Variants in HECW1 observed in about 807,000 individuals in gnomAD.
HECW1 encodes HECT, C2 and WW domain containing E3 ubiquitin protein ligase 1.
In HECW1, 61 loss-of-function variants were observed where a neutral mutation model predicts 182.3. The ratio of observed to expected loss-of-function variants is 0.33; its 90% CI spans 0.27 to 0.41. The LOEUF (loss-of-function observed/expected upper bound fraction) is 0.41, where lower values mean the gene tolerates loss of function less well. Ranked by LOEUF, HECW1 falls within the 10% of genes least tolerant of loss-of-function variation. HECW1 has a pLI of 1.00. For synonymous variants in HECW1, 859 were observed against 832.6 expected (o/e 1.03, Z -0.55); for missense variants, 1,739 against 2,108.9 (o/e 0.82, Z 3.44).
intron 2 of HECW1, among the ~76,000 whole-genome samples, chr7:43,215,730 G>T (rs1288152508): frequency 2.0e-5 from 3 of 152,094 alleles, no homozygotes; most frequent in Non-Finnish European, 4.4e-5. Flanking sequence ...TTCTTTGATT[G>T]TAAAGATCTT....
chr7:43,152,330 C>T (rs1280964994), intron 2 of HECW1, among the ~76,000 whole-genome samples: 1 of 152,050 alleles, frequency 6.6e-6, no homozygotes, highest in African/African-American at 2.4e-5. Flanking sequence ...ACAGGTAAGC[C>T]AAAATGTATT....
At chr7:43,276,547 T>C (rs1275819557) in intron 3 of HECW1, among the ~76,000 whole-genome samples, 1 of 152,242 alleles carries the variant, frequency 6.6e-6, no homozygotes, top group Non-Finnish European at 1.5e-5. Context: ...GTTCTTTTCC[T>C]GTGTCATGTG....
chr7:43,407,149 C>A (rs1359524434), intron 7 of HECW1, among the ~76,000 whole-genome samples: 1 of 152,174 alleles, frequency 6.6e-6, no homozygotes, highest in East Asian at 1.9e-4. Flanking sequence ...TCCTCATTGA[C>A]TGCACTCAGC....
chr7:43,481,365 A>T (rs545914602), intron 17 of HECW1, among the ~76,000 whole-genome samples: 29 of 152,378 alleles, frequency 1.9e-4, no homozygotes, highest in African/African-American at 5.3e-4. Flanking sequence ...CAATTTCAGT[A>T]TCCACATAGG....
chr7:43,518,508 C>T lies in HECW1; in HGVS notation c.4019+9387C>T, dbSNP rs118150915. 7.5e-3 allele frequency among the ~76,000 whole-genome samples: 1,119 copies of T among 149,766 alleles called. 8 individuals carry two copies. The highest frequency in any genetic ancestry group is 0.012 in the Non-Finnish European group (779 of 67,442). On this transcript the variant is annotated intron_variant, in intron 24 of 29. Transcript: ENST00000395891. ...GAGACACCATCTCAAAAAAAAAAAA[C>T]GTATTTGAATATATAAAAGTTAAAA...
chr7:43,453,926 C>A (rs73329807), intron 12 of HECW1, among the ~76,000 whole-genome samples: 240 of 152,202 alleles, frequency 1.6e-3, no homozygotes, highest in African/African-American at 5.3e-3. Flanking sequence ...ACAAAGCAAC[C>A]CAGAAAACAT....
rs553746543 is a variant in HECW1, at chr7:43,508,558, T to G, written c.3867-411T>G. 3.9e-5 allele frequency among the ~76,000 whole-genome samples: 6 copies of G among 152,176 alleles called. No individual in the cohort carries two copies. The East Asian group carries it at 1.2e-3, about 29-fold the overall frequency. ...GTAGGAAGGCGTATCAAAATGAACT[T>G]GGAAGCCTTTTCAGTCCACCCACAT... On this transcript the variant is annotated intron_variant, in intron 23 of 29. Transcript: ENST00000395891.
intron 3 of HECW1, among the ~76,000 whole-genome samples, chr7:43,265,257 G>A (rs1342224219): frequency 2.0e-5 from 3 of 152,034 alleles, no homozygotes; most frequent in Non-Finnish European, 4.4e-5. Context: ...GGAGAATTCT[G>A]GGGTTCTGCA....
chr7:43,367,634 G>A (rs7781890), intron 6 of HECW1, among the ~76,000 whole-genome samples: 14,422 of 152,160 alleles, frequency 0.095, 877 homozygotes, highest in East Asian at 0.22. Flanking sequence ...TTATTTACAT[G>A]CAAAGGATCA....
intron 2 of HECW1, among the ~76,000 whole-genome samples, chr7:43,179,020 A>G (rs1200196193): frequency 1.3e-5 from 2 of 152,250 alleles, no homozygotes; most frequent in South Asian, 2.1e-4. Flanking sequence ...GAGAATATCA[A>G]CTACTTTCTT....
At chr7:43,175,533 C>T (rs769094251) in intron 2 of HECW1, among the ~76,000 whole-genome samples, 2 of 152,146 alleles carry the variant, frequency 1.3e-5, no homozygotes, top group Non-Finnish European at 2.9e-5. Flanking sequence ...AACATCAGTG[C>T]TGACCGAGTT....
At chr7:43,343,680 G>A (rs1813310790) in intron 5 of HECW1, among the ~76,000 whole-genome samples, 1 of 151,800 alleles carries the variant, frequency 6.6e-6, no homozygotes, top group South Asian at 2.1e-4. Flanking sequence ...TGGACATTTG[G>A]GTTGGTTTCA....
chr7:43,477,084 A>G (rs1291771884), intron 16 of HECW1, among the ~76,000 whole-genome samples: 1 of 152,196 alleles, frequency 6.6e-6, no homozygotes, highest in East Asian at 1.9e-4. Flanking sequence ...TTAGCCCATG[A>G]GAAAATGTTT....
intron 4 of HECW1, 142 bp from the exon 5 acceptor site, chr7:43,320,493 C>A: frequency 1.6e-6 from 1 of 626,698 alleles, no homozygotes; most frequent in South Asian, 2.0e-5. Context: ...GTGCTTCCTG[C>A]TCTCTGATTC....
intron 2 of HECW1, among the ~76,000 whole-genome samples, chr7:43,133,137 T>G (rs1428144338): frequency 6.6e-6 from 1 of 152,088 alleles, no homozygotes; most frequent in Non-Finnish European, 1.5e-5. Context: ...TAAACTATCT[T>G]TACAGCCTTC....
chr7:43,245,620 G>A (rs547811601), intron 3 of HECW1: 2 of 152,344 alleles, frequency 1.3e-5, no homozygotes, highest in East Asian at 3.9e-4. Context: ...CATCATAGGG[G>A]ATTTTATTCA....
intron 16 of HECW1, among the ~76,000 whole-genome samples, chr7:43,478,494 CT>C (rs2078300635): frequency 6.6e-6 from 1 of 151,976 alleles, no homozygotes; most frequent in South Asian, 2.1e-4. Flanking sequence ...ATTAAGGGTA[CT>C]AAAATTAATT....
intron 2 of HECW1, among the ~76,000 whole-genome samples, chr7:43,179,580 T>C (rs375715906): frequency 1.3e-4 from 20 of 152,090 alleles, no homozygotes; most frequent in Non-Finnish European, 2.8e-4. Context: ...TTGTTGTTGT[T>C]GTCGTTTTTG....
chr7:43,231,351 C>T (rs7788485), intron 2 of HECW1, among the ~76,000 whole-genome samples: 11,541 of 152,266 alleles, frequency 0.076, 543 homozygotes, highest in South Asian at 0.13. Context: ...TTTCACATGA[C>T]GTGGATTCAC....
Sources: allele counts gnomAD v4.1 joint callset (sites outside exome capture counted in the v4.1 genomes callset), GRCh38; gene constraint gnomAD v4.1.1; transcripts MANE v1.5; gene names NCBI Gene and HGNC (gene_info 2026-07-23, HGNC 2026-07-21).